ADAP1: variants seen among roughly 807,000 people sequenced by gnomAD.
ADAP1 encodes ArfGAP with dual PH domains 1.
Under a neutral mutation model 54.9 loss-of-function variants are expected in ADAP1, and 31 were observed. The ratio of observed to expected loss-of-function variants is 0.56; its 90% CI spans 0.42 to 0.76. ADAP1 has a LOEUF of 0.76. ADAP1 is among the 30% of genes least tolerant of loss of function. ADAP1 has a pLI of 0.00. For synonymous variants in ADAP1, 313 were observed against 202.6 expected, an observed-to-expected ratio of 1.55 and a Z score of -4.63; for missense variants, 535 against 512.4, an observed-to-expected ratio of 1.04 and a Z score of -0.42.
chr7:912,390 G>C (rs1038175472), intron 4 of ADAP1, among the ~76,000 whole-genome samples: 1 of 152,144 alleles, frequency 6.6e-6, no homozygotes, highest in Non-Finnish European at 1.5e-5. Context: ...AGGGGCAGGC[G>C]GGGGGCAAGT....
chr7:941,098 G>A (rs1846928050), intron 1 of ADAP1, among the ~76,000 whole-genome samples: 1 of 151,958 alleles, frequency 6.6e-6, no homozygotes, highest in Non-Finnish European at 1.5e-5. Flanking sequence ...TGCAAAAAAT[G>A]TTGGCAAAAT....
chr7:911,014 C>G (rs1284142715), intron 4 of ADAP1, among the ~76,000 whole-genome samples: 2 of 152,198 alleles, frequency 1.3e-5, no homozygotes, highest in Non-Finnish European at 2.9e-5. Flanking sequence ...CTCTCCCTGC[C>G]TGGCCCGTCC....
intron 8 of ADAP1, 123 bp downstream of exon 8, chr7:899,977 CTG>C (rs950458076): frequency 1.3e-5 from 15 of 1,165,062 alleles, no homozygotes; most frequent in African/African-American, 1.2e-4. Context: ...AGACAAGGGG[CTG>C]TGAGGACCCA....
At chr7:940,442 A>G (rs1846913539) in intron 1 of ADAP1, among the ~76,000 whole-genome samples, 1 of 152,146 alleles carries the variant, frequency 6.6e-6, no homozygotes, top group Non-Finnish European at 1.5e-5. Context: ...TGTGTTGGAG[A>G]CAGGAGCAAC....
intron 6 of ADAP1, chr7:903,900 C>G (rs1245744247): frequency 3.8e-6 from 2 of 525,278 alleles, no homozygotes; most frequent in South Asian, 2.3e-5. Flanking sequence ...TGGGAAGCTG[C>G]CTTCCTGCAC....
intron 2 of ADAP1, among the ~76,000 whole-genome samples, chr7:930,342 G>A (rs1583173193): frequency 6.7e-6 from 1 of 148,778 alleles, no homozygotes; most frequent in East Asian, 2.0e-4. Flanking sequence ...AGCTAACATT[G>A]CAGCAGAAAG....
At chr7:936,216 A>ATTTTTTTTTTT (rs57738487) in intron 1 of ADAP1, among the ~76,000 whole-genome samples, 2 of 151,304 alleles carry the variant, frequency 1.3e-5, no homozygotes, top group African/African-American at 4.9e-5. Flanking sequence ...AGGGAGCAGA[A>ATTTTTTTTTTT]TTTTTTTTGA....
At chr7:908,991 G>T (rs567053608) in intron 4 of ADAP1, among the ~76,000 whole-genome samples, 320 of 152,162 alleles carry the variant, frequency 2.1e-3, no homozygotes, top group African/African-American at 6.8e-3. Context: ...CCCCTGCCAT[G>T]CCCGCCGCGC....
At chr7:900,692 C>T (rs982810587) in intron 6 of ADAP1, 76 bp from the exon 7 acceptor site, 8 of 1,348,464 alleles carry the variant, frequency 5.9e-6, no homozygotes, top group Non-Finnish European at 8.3e-6. Context: ...GCTGGGGTCC[C>T]CACAGAGGGG....
At chr7:948,093 G>C (rs542642520) in intron 1 of ADAP1, among the ~76,000 whole-genome samples, 1 of 150,764 alleles carries the variant, frequency 6.6e-6, no homozygotes, top group African/African-American at 2.4e-5. Flanking sequence ...GCCACCCCAC[G>C]GCCTGCCCTG....
At chr7:931,844 A>G (rs1341347042) in intron 2 of ADAP1, among the ~76,000 whole-genome samples, 1 of 151,666 alleles carries the variant, frequency 6.6e-6, no homozygotes, top group Non-Finnish European at 1.5e-5. Flanking sequence ...TGGCCCTTCA[A>G]CCTCGGTCCG....
chr7:923,767 C>A (rs1846271662), intron 3 of ADAP1, among the ~76,000 whole-genome samples: 1 of 152,174 alleles, frequency 6.6e-6, no homozygotes, highest in African/African-American at 2.4e-5. Flanking sequence ...CCACTCTTAG[C>A]TCCTGCGAAG....
At chr7:903,065 C>CAG (rs1216730065) in intron 6 of ADAP1, among the ~76,000 whole-genome samples, 2 of 152,168 alleles carry the variant, frequency 1.3e-5, no homozygotes, top group Non-Finnish European at 1.5e-5. Context: ...GATGAGGCTG[C>CAG]AGGAGCGAGA....
At chr7:942,495 G>A (rs1583184515) in intron 1 of ADAP1, among the ~76,000 whole-genome samples, 2 of 47,082 alleles carry the variant, frequency 4.2e-5, no homozygotes, top group African/African-American at 6.9e-5. Context: ...GAGGAGGAAG[G>A]GAGAGAGGAT....
chr7:918,896 G>C (rs1278492871), intron 4 of ADAP1, among the ~76,000 whole-genome samples: 1 of 146,280 alleles, frequency 6.8e-6, no homozygotes, highest in Non-Finnish European at 1.5e-5. Context: ...GTTTAAATGA[G>C]ATGCCAGGAG....
Position 920,225 on chromosome 7 carries a change from G to A in ADAP1, c.306-175C>T, listed in dbSNP as rs111833505. Among the ~76,000 whole-genome samples, 4 of 152,226 alleles carry A rather than the reference G, an allele frequency of 2.6e-5. No homozygotes were observed. Among genetic ancestry groups the A allele is most frequent in the East Asian group, 3.9e-4 (2 of 5,176 alleles). On this transcript the variant is annotated intron_variant, in intron 3 of 10. Coordinates refer to ENST00000265846, the MANE Select transcript of ADAP1 (RefSeq NM_006869.4). The surrounding 1 kb of genome is among the most constrained non-coding windows in gnomAD (Gnocchi z 4.5). ...GAAATGCAGGGTCAGCCTCCTGCCCGGGACGCTTCTCACTCTGATATTAGT... is the reference window on the plus strand; with the variant it reads ...GAAATGCAGGGTCAGCCTCCTGCCCAGGACGCTTCTCACTCTGATATTAGT...
intron 2 of ADAP1, among the ~76,000 whole-genome samples, chr7:928,035 G>C (rs1379722450): frequency 3.0e-5 from 4 of 135,090 alleles, no homozygotes; most frequent in African/African-American, 1.2e-4. Flanking sequence ...GGGCAACATA[G>C]TGAGACCCTG....
intron 3 of ADAP1, among the ~76,000 whole-genome samples, chr7:921,109 G>A (rs986329515): frequency 6.6e-6 from 1 of 152,172 alleles, no homozygotes; most frequent in South Asian, 2.1e-4. Flanking sequence ...TCTCGGTCAC[G>A]GAGGCCAAAC....
chr7:905,356 CAGGGAAAGGGAA>C (rs749207185), intron 4 of ADAP1, 184 bp from the exon 5 acceptor site: 33,005 of 234,212 alleles, frequency 0.14, 9,165 homozygotes, highest in African/African-American at 0.28. Flanking sequence ...GGAAGATGGG[CAGGGAAAGGGAA>C]AGGGAAAGGA....
Sources: gnomAD v4.1 joint callset for allele counts (sites outside exome capture counted in the v4.1 genomes callset) on GRCh38, gnomAD v4.1.1 for gene constraint, Gnocchi (gnomAD v3.1) non-coding constraint, MANE v1.5 for transcripts, NCBI Gene and HGNC (gene_info 2026-07-23, HGNC 2026-07-21) for gene names.